LSM14A: variants seen among roughly 807,000 people sequenced by gnomAD.
LSM14A encodes protein LSM14 homolog A.
In LSM14A, 14 loss-of-function variants were observed where a neutral mutation model predicts 52.4. The ratio of observed to expected loss-of-function variants is 0.27; its 90% CI spans 0.18 to 0.42. The LOEUF is 0.42. LSM14A is among the 10% of genes least tolerant of loss of function. The probability of loss-of-function intolerance (pLI) is 1.00; values close to 1 mark genes in which losing one functional copy is unlikely to be tolerated. For synonymous variants in LSM14A, 185 were observed against 200.3 expected, an observed-to-expected ratio of 0.92 and a Z score of 0.64; for missense variants, 417 against 581.8, an observed-to-expected ratio of 0.72 and a Z score of 2.91.
At chr19:34,182,563 C>T (rs187728060) in intron 1 of LSM14A, among the ~76,000 whole-genome samples, 7 of 151,718 alleles carry the variant, frequency 4.6e-5, no homozygotes, top group Admixed American at 1.3e-4. Flanking sequence ...CTCGGCCGGG[C>T]GCGGTGGCTC....
Position 34,209,059 on chromosome 19 carries a change from A to G in LSM14A, c.538+8A>G, listed in dbSNP as rs1599703708. Reference sequence around the variant, plus strand: ...AAACACAGTTATCTCAAGGTAAGCTATCTCATCCCTAAAATATTTCCATTC... The same window carrying G: ...AAACACAGTTATCTCAAGGTAAGCTGTCTCATCCCTAAAATATTTCCATTC... On this transcript the variant is annotated splice_region_variant and intron_variant, in intron 4 of 9. Transcript: ENST00000544216. The G allele has an allele frequency of 2.6e-6, 4 of 1,557,524 alleles. No homozygotes were observed. Among genetic ancestry groups the G allele is most frequent in the Non-Finnish European group, 3.5e-6 (4 of 1,150,630 alleles).
rs557427585 is a variant in LSM14A, at chr19:34,190,944, A to G, written c.122-3534A>G. The stretch of plus-strand genomic sequence containing the variant: ...AGCTTTTGATGAAATTTAGGCCTTC[A>G]TGTTAAGACATTTCTATTCTGTTAT... On this transcript the variant is annotated intron_variant, in intron 1 of 9. Coordinates refer to ENST00000544216, the MANE Select transcript of LSM14A (RefSeq NM_015578.4). 4.6e-5 allele frequency among the ~76,000 whole-genome samples: 7 copies of G among 152,100 alleles called. No individual in the cohort carries two copies. In the South Asian group the frequency reaches 8.3e-4, roughly 18 times the overall value.
rs2073458222 is a variant in LSM14A at position 34,228,648 on chromosome 19, C to G, written c.*1260C>G. The G allele has an allele frequency of 6.6e-6, 1 of 152,544 alleles. No individual in the cohort carries two copies. Among genetic ancestry groups the G allele is most frequent in the African/African-American group, 2.4e-5 (1 of 41,412 alleles). 9.4% of individuals were successfully genotyped at this position (152,544 alleles called of 1,614,324 possible). A position where few individuals can be genotyped will look rare whatever the true frequency, so the allele number is the denominator to read the frequency against. On this transcript the variant is annotated 3_prime_UTR_variant, in exon 10 of 10. Coordinates refer to ENST00000544216, the MANE Select transcript of LSM14A (RefSeq NM_015578.4). ...GTGAATCTTTTTGATATTTTAAGCT[C>G]TAGTGGGAAAAATCTGGCCACTTTT...
At position 34,228,450 on chromosome 19, in the gene LSM14A, A is replaced by G. The variant is rs1043014909; in HGVS notation, c.*1062A>G. 31 of 151,910 alleles carry G rather than the reference A, an allele frequency of 2.0e-4. No homozygotes were observed. The highest frequency in any genetic ancestry group is 6.5e-4 in the African/African-American group (27 of 41,380). The allele number at this position is 151,910 out of a possible 1,614,324, so 9.4% of individuals were successfully genotyped here. A position where few individuals can be genotyped will look rare whatever the true frequency, so the allele number is the denominator to read the frequency against. ...AGGCATCAATGAACCTGTTTTTCCT[A>G]TTATGCCTGGAATTTAGTCATGATA... On this transcript the variant is annotated 3_prime_UTR_variant, in exon 10 of 10. Transcript: ENST00000544216.
chr19:34,215,465 G>C, intron 5 of LSM14A, 131 bp from the exon 6 acceptor site: 1 of 1,090,746 alleles, frequency 9.2e-7, no homozygotes, highest in Non-Finnish European at 1.3e-6. Context: ...TGGTGGTGTG[G>C]GTATAGTTTT....
chr19:34,182,156 C>T (rs1268742349), intron 1 of LSM14A, among the ~76,000 whole-genome samples: 1 of 152,086 alleles, frequency 6.6e-6, no homozygotes, highest in Non-Finnish European at 1.5e-5. Context: ...CAATATTGAC[C>T]TCTCAGTTGA....
chr19:34,187,738 T>C (rs920289284), intron 1 of LSM14A, among the ~76,000 whole-genome samples: 2 of 152,214 alleles, frequency 1.3e-5, no homozygotes, highest in African/African-American at 2.4e-5. Context: ...CTACAACTTA[T>C]TTCTCTGGCC....
At chr19:34,209,507 T>G (rs2071976786) in intron 4 of LSM14A, among the ~76,000 whole-genome samples, 1 of 152,192 alleles carries the variant, frequency 6.6e-6, no homozygotes, top group African/African-American at 2.4e-5. Flanking sequence ...CTGGGGTGCT[T>G]CTTAAAAATT....
At position 34,228,469 on chromosome 19, in the gene LSM14A, C is replaced by T. The variant is rs1386317998; in HGVS notation, c.*1081C>T. 6.6e-6 allele frequency: 1 copy of T among 152,662 alleles called. No homozygotes were observed. Among genetic ancestry groups the T allele is most frequent in the South Asian group, 2.1e-4 (1 of 4,828 alleles). The allele number at this position is 152,662 out of a possible 1,614,324, so 9.5% of individuals were successfully genotyped here. A position where few individuals can be genotyped will look rare whatever the true frequency, so the allele number is the denominator to read the frequency against. ...TTTCCTATTATGCCTGGAATTTAGT[C>T]ATGATACCTTGACTCATTCCATCAT... On this transcript the variant is annotated 3_prime_UTR_variant, in exon 10 of 10. Coordinates refer to ENST00000544216, the MANE Select transcript of LSM14A (RefSeq NM_015578.4).
chr19:34,179,091 A>T (rs1211396794), intron 1 of LSM14A, among the ~76,000 whole-genome samples: 1 of 152,246 alleles, frequency 6.6e-6, no homozygotes. Flanking sequence ...TTACCTGGAT[A>T]ATCATTCAAA....
chr19:34,227,293 CTT>C (rs1272398081), intron 9 of LSM14A, 70 bp from the exon 10 acceptor site: 3 of 1,005,528 alleles, frequency 3.0e-6, no homozygotes, highest in Non-Finnish European at 4.6e-6. Flanking sequence ...TTAAAATAAA[CTT>C]GAGCAAAGTA....
At chr19:34,219,351 C>A in intron 6 of LSM14A, 40 bp from the exon 7 acceptor site, 1 of 1,430,902 alleles carries the variant, frequency 7.0e-7, no homozygotes, top group Non-Finnish European at 9.6e-7. Context: ...CCAGCTATTA[C>A]ATATTGAATG....
Position 34,221,690 on chromosome 19 carries a change from A to G in LSM14A, c.1320A>G (p.Gly440=). The G allele has an allele frequency of 6.2e-7, 1 of 1,614,010 alleles. No individual in the cohort carries two copies. Among genetic ancestry groups the G allele is most frequent in the Non-Finnish European group, 8.5e-7 (1 of 1,179,956 alleles). ...CTGCCCCTCGAGGATTTCGCGGTGG[A>G]TTCAGAGGAGGTCGTGGGGGCCGGG... The part of the protein sequence containing the change: ...TFTAPRGFRG[G]FRGGRGGREF... Residue 440 remains glycine (G), a synonymous_variant, in exon 9 of 10, where the codon GGA becomes GGG. Transcript: ENST00000544216.
intron 1 of LSM14A, among the ~76,000 whole-genome samples, chr19:34,178,364 G>C (rs1599655959): frequency 6.6e-6 from 1 of 152,258 alleles, no homozygotes; most frequent in Non-Finnish European, 1.5e-5. Context: ...GAGGGGCTTT[G>C]ATCCTCGGAA....
At chr19:34,196,240 A>G (rs2070827564) in intron 2 of LSM14A, among the ~76,000 whole-genome samples, 1 of 152,202 alleles carries the variant, frequency 6.6e-6, no homozygotes, top group Admixed American at 6.5e-5. Context: ...ATGATTGAAA[A>G]TAAGAGTAAA....
At chr19:34,179,722 T>A (rs1337378912) in intron 1 of LSM14A, among the ~76,000 whole-genome samples, 1 of 152,092 alleles carries the variant, frequency 6.6e-6, no homozygotes. Context: ...AAAAAAGAAA[T>A]CTTATCTGTG....
intron 9 of LSM14A, among the ~76,000 whole-genome samples, chr19:34,223,788 C>T (rs1343152657): frequency 6.6e-6 from 1 of 152,202 alleles, no homozygotes; most frequent in Non-Finnish European, 1.5e-5. Flanking sequence ...GACTTGGATC[C>T]AGATGAGAAT....
At chr19:34,203,671 C>T (rs991061692) in intron 3 of LSM14A, among the ~76,000 whole-genome samples, 4 of 151,818 alleles carry the variant, frequency 2.6e-5, no homozygotes, top group Admixed American at 6.6e-5. Context: ...GGCTTGGTGG[C>T]GTGCGCCTGT....
rs2073423436 is a variant in LSM14A, at chr19:34,227,820, G to GTGTGTGTGTGTA, written c.*441_*442insGTATGTGTGTGT. On this transcript the variant is annotated 3_prime_UTR_variant, in exon 10 of 10. Transcript: ENST00000544216. ...TGTGTGTGTGTGTGTGTGTGTGTGTGTGTGTGTGTATGTGTGTGTCTTTTT... is the reference window on the plus strand; with the variant it reads ...TGTGTGTGTGTGTGTGTGTGTGTGTGTGTGTGTGTGTATGTGTGTGTATGTGTGTGTCTTTTT... The GTGTGTGTGTGTA allele has an allele frequency of 1.2e-5, 2 of 160,394 alleles. No individual in the cohort carries two copies. The highest frequency in any genetic ancestry group is 2.5e-5 in the African/African-American group (1 of 40,778). The allele number at this position is 160,394 out of a possible 1,614,324, so 9.9% of individuals were successfully genotyped here.
Sources: allele counts gnomAD v4.1 joint callset (sites outside exome capture counted in the v4.1 genomes callset), GRCh38; gene constraint gnomAD v4.1.1; transcripts MANE v1.5; gene names NCBI Gene and HGNC (gene_info 2026-07-23, HGNC 2026-07-21).